The following SPIDR variants were observed in gnomAD, a reference collection of about 807,000 sequenced individuals.
SPIDR encodes the protein scaffold protein involved in DNA repair.
Under a neutral mutation model 104.6 loss-of-function variants are expected in SPIDR, and 93 were observed. The observed-to-expected ratio is 0.89, with a 90% CI of 0.75 to 1.06. The LOEUF is 1.06. Ranked by LOEUF, SPIDR falls within the 50% of genes least tolerant of loss-of-function variation. SPIDR has a pLI of 0.00. For missense variants in SPIDR, 1,154 were observed against 1,111.2 expected (o/e 1.04, Z -0.55); for synonymous variants, 431 against 416.9 (o/e 1.03, Z -0.41).
intron 1 of SPIDR, among the ~76,000 whole-genome samples, chr8:47,274,529 T>C (rs1365305065): frequency 6.6e-6 from 1 of 152,070 alleles, no homozygotes; most frequent in Non-Finnish European, 1.5e-5. Flanking sequence ...CCTTGATTGA[T>C]AGTTTGGCCG....
chr8:47,511,208 T>C lies in SPIDR; in HGVS notation c.1097+70666T>C. 3 of 1,591,802 alleles carry C rather than the reference T, an allele frequency of 1.9e-6. No homozygotes were observed. The African/African-American group carries it at 4.0e-5, about 21-fold the overall frequency. On this transcript the variant is annotated intron_variant, in intron 8 of 19. Coordinates refer to ENST00000297423, the MANE Select transcript of SPIDR (RefSeq NM_001080394.4). ...ATGTTGCTGATCCTGTGGCTGTGGT[T>C]AAATTTCTGCACCAGCCTCCCACCG...
intron 8 of SPIDR, among the ~76,000 whole-genome samples, chr8:47,534,743 T>G (rs2086621652): frequency 6.6e-6 from 1 of 152,146 alleles, no homozygotes; most frequent in African/African-American, 2.4e-5. Context: ...CATGTTTACC[T>G]ATGTAACAAA....
In SPIDR at chr8:47,523,022, C is replaced by T. The variant is rs183969620; in HGVS notation, c.1098-72789C>T. On this transcript the variant is annotated intron_variant, in intron 8 of 19. Transcript: ENST00000297423. ...ATTTTATTTTATTTTATTTTTTGAG[C>T]GAGGGTCTCACCCTGTCCCCCAGGC... Among the ~76,000 whole-genome samples the T allele has an allele frequency of 3.5e-3, 536 of 151,178 alleles. 7 individuals carry two copies. The highest frequency in any genetic ancestry group is 0.012 in the African/African-American group (506 of 41,190).
intron 5 of SPIDR, among the ~76,000 whole-genome samples, chr8:47,389,443 A>G (rs1554650262): frequency 6.6e-6 from 1 of 152,134 alleles, no homozygotes; most frequent in East Asian, 1.9e-4. Context: ...TAATCCCAGC[A>G]CTTTGGGAGG....
intron 7 of SPIDR, among the ~76,000 whole-genome samples, chr8:47,426,087 C>CA (rs1259632086): frequency 0.019 from 2,171 of 113,784 alleles, 28 homozygotes; most frequent in African/African-American, 0.045. Flanking sequence ...TACTACGATA[C>CA]AAAAAAAAAA....
intron 8 of SPIDR, among the ~76,000 whole-genome samples, chr8:47,451,357 G>A (rs1405625107): frequency 6.6e-6 from 1 of 152,060 alleles, no homozygotes. Flanking sequence ...TGAGGTGAGT[G>A]GATTGCTTGA....
At chr8:47,440,647 C>T (rs1306563983) in intron 8 of SPIDR, 105 bp downstream of exon 8, 16 of 1,152,328 alleles carry the variant, frequency 1.4e-5, no homozygotes, top group Non-Finnish European at 1.7e-5. Flanking sequence ...TAGAGCAATG[C>T]GAGAGGAAGA....
At chr8:47,633,288 A>G (rs1396827086) in intron 10 of SPIDR, among the ~76,000 whole-genome samples, 1 of 152,168 alleles carries the variant, frequency 6.6e-6, no homozygotes, top group Non-Finnish European at 1.5e-5. Context: ...ACAAAAAGCC[A>G]GTCATCTGAG....
Position 47,393,053 on chromosome 8 carries a change from C to T in SPIDR, c.526-3323C>T, listed in dbSNP as rs145467808. Among the ~76,000 whole-genome samples the T allele has an allele frequency of 2.2e-4, 33 of 152,290 alleles. No individual in the cohort carries two copies. The East Asian group carries it at 6.0e-3, about 28-fold the overall frequency. ...TAGATAGTCTTCTCCAGCCCTCGTGCCTTCACATCCTGATTCTCATGATTT... is the reference window on the plus strand; with the variant it reads ...TAGATAGTCTTCTCCAGCCCTCGTGTCTTCACATCCTGATTCTCATGATTT... On this transcript the variant is annotated intron_variant, in intron 5 of 19. Coordinates refer to ENST00000297423, the MANE Select transcript of SPIDR (RefSeq NM_001080394.4).
At chr8:47,389,135 C>T (rs1199555433) in intron 5 of SPIDR, among the ~76,000 whole-genome samples, 1 of 152,164 alleles carries the variant, frequency 6.6e-6, no homozygotes, top group Admixed American at 6.5e-5. Context: ...ATTCTTTGCT[C>T]TGTGCATTTG....
At chr8:47,463,954 A>T (rs1233241883) in intron 8 of SPIDR, among the ~76,000 whole-genome samples, 1 of 152,204 alleles carries the variant, frequency 6.6e-6, no homozygotes, top group African/African-American at 2.4e-5. Context: ...AAACAAGGCA[A>T]AGATGGTTGC....
At chr8:47,583,427 C>G (rs969287257) in intron 8 of SPIDR, among the ~76,000 whole-genome samples, 1 of 151,896 alleles carries the variant, frequency 6.6e-6, no homozygotes, top group South Asian at 2.1e-4. Flanking sequence ...TTCTTAGTTT[C>G]AGTTCAATCT....
intron 8 of SPIDR, among the ~76,000 whole-genome samples, chr8:47,521,706 G>A (rs1232364421): frequency 6.6e-6 from 1 of 151,770 alleles, no homozygotes; most frequent in African/African-American, 2.4e-5. Flanking sequence ...ACAGGCGTGA[G>A]CCACCGCGCC....
intron 1 of SPIDR, 25 bp from the exon 2 acceptor site, chr8:47,279,837 T>A: frequency 6.3e-7 from 1 of 1,575,032 alleles, no homozygotes; most frequent in Middle Eastern, 1.8e-4. Context: ...TGTTTCGATT[T>A]TTCTTTTAAA....
chr8:47,661,951 G>C (rs902026400), intron 10 of SPIDR, among the ~76,000 whole-genome samples: 4 of 152,072 alleles, frequency 2.6e-5, no homozygotes, highest in African/African-American at 9.7e-5. Context: ...AGTCAGCCCC[G>C]TTCTCACTTG....
At chr8:47,605,803 A>G (rs993414760) in intron 10 of SPIDR, among the ~76,000 whole-genome samples, 1 of 152,186 alleles carries the variant, frequency 6.6e-6, no homozygotes, top group Non-Finnish European at 1.5e-5. Flanking sequence ...TCACTCTTTA[A>G]CAGTAAGCAT....
chr8:47,359,295 T>C (rs1403895927), intron 5 of SPIDR, among the ~76,000 whole-genome samples: 1 of 151,014 alleles, frequency 6.6e-6, no homozygotes, highest in Non-Finnish European at 1.5e-5. Flanking sequence ...TTTTGTATAG[T>C]GTTGTTTTAT....
intron 8 of SPIDR, among the ~76,000 whole-genome samples, chr8:47,564,499 G>A (rs2057520644): frequency 6.6e-6 from 1 of 152,100 alleles, no homozygotes; most frequent in Admixed American, 6.5e-5. Flanking sequence ...AGCTAACATG[G>A]TGAAACCCTG....
intron 10 of SPIDR, among the ~76,000 whole-genome samples, chr8:47,600,875 G>A (rs986799475): frequency 6.6e-6 from 1 of 152,156 alleles, no homozygotes; most frequent in Non-Finnish European, 1.5e-5. Context: ...GAGACAGTGG[G>A]GAACTGAATC....
Sources: gnomAD v4.1 joint callset for allele counts (sites outside exome capture counted in the v4.1 genomes callset) on GRCh38, gnomAD v4.1.1 for gene constraint, MANE v1.5 for transcripts, NCBI Gene and HGNC (gene_info 2026-07-23, HGNC 2026-07-21) for gene names.